GATAD2B: variants seen among roughly 807,000 people sequenced by gnomAD.
GATAD2B encodes the protein GATA zinc finger domain containing 2B.
Under a neutral mutation model 64.3 loss-of-function variants are expected in GATAD2B, and 8 were observed. That is an observed-to-expected ratio of 0.12 (90% CI 0.07 to 0.22). GATAD2B has a LOEUF of 0.22. GATAD2B is among the 10% of genes least tolerant of loss of function. The pLI is 1.00. For synonymous variants in GATAD2B, 281 were observed against 271.3 expected (o/e 1.04, Z -0.35); for missense variants, 453 against 752.0 (o/e 0.60, Z 4.65).
At chr1:153,914,662 A>G (rs1678210869) in intron 1 of GATAD2B, 1 of 152,244 alleles carries the variant, frequency 6.6e-6, no homozygotes, top group East Asian at 1.9e-4. Context: ...GGCTGGGTGT[A>G]GTGGTTCACA....
At chr1:153,912,396 G>GAATT (rs71697078) in intron 1 of GATAD2B, among the ~76,000 whole-genome samples, 40,907 of 151,952 alleles carry the variant, frequency 0.27, 6,025 homozygotes, top group Admixed American at 0.38. Context: ...GAGAAACTGA[G>GAATT]AATTACTATC....
intron 3 of GATAD2B, 82 bp from the exon 4 acceptor site, chr1:153,819,004 C>T (rs1674580992): frequency 7.2e-7 from 1 of 1,384,494 alleles, no homozygotes; most frequent in Non-Finnish European, 1.0e-6. Context: ...TACTTCTTAG[C>T]TCTGAAACCT....
At position 153,846,557 on chromosome 1, in the gene GATAD2B, C is replaced by CTTT. The variant is rs887230575; in HGVS notation, c.-1-18212_-1-18210dup. On this transcript the variant is annotated intron_variant, in intron 1 of 10. Transcript: ENST00000368655. ...CCAACCCCTTCTTGTTCTTTGCGTTCTTTTTTTTTTTTTTTTTTTTTTGAG... is the reference window on the plus strand; with the variant it reads ...CCAACCCCTTCTTGTTCTTTGCGTTCTTTTTTTTTTTTTTTTTTTTTTTTTGAG... Among the ~76,000 whole-genome samples the CTTT allele has an allele frequency of 2.9e-3, 332 of 113,828 alleles. 2 individuals carry two copies. Among genetic ancestry groups the CTTT allele is most frequent in the African/African-American group, 4.7e-3 (132 of 27,816 alleles). The allele number at this position is 113,828 out of a possible 152,430, so 74.7% of individuals were successfully genotyped here. A position where few individuals can be genotyped will look rare whatever the true frequency, so the allele number is the denominator to read the frequency against.
In GATAD2B at chr1:153,833,509, C is replaced by A. The variant is rs868001867; in HGVS notation, c.-1-5161G>T. On this transcript the variant is annotated intron_variant, in intron 1 of 10. Coordinates refer to ENST00000368655, the MANE Select transcript of GATAD2B (RefSeq NM_020699.4). ...TGAATCAAGGAGTAATTTTAACTTT[C>A]AAGTCTTACTATGTAAGAAATATTG... 5.3e-5 allele frequency among the ~76,000 whole-genome samples: 8 copies of A among 152,240 alleles called. No individual in the cohort carries two copies. In the Middle Eastern group the frequency reaches 0.01, roughly 194 times the overall value.
At chr1:153,881,924 C>T (rs1212508851) in intron 1 of GATAD2B, among the ~76,000 whole-genome samples, 1 of 151,982 alleles carries the variant, frequency 6.6e-6, no homozygotes, top group African/African-American at 2.4e-5. Context: ...CCCTTGAGAG[C>T]CCTGCACAAA....
At chr1:153,824,423 A>T (rs772721456) in intron 2 of GATAD2B, among the ~76,000 whole-genome samples, 1 of 152,192 alleles carries the variant, frequency 6.6e-6, no homozygotes, top group East Asian at 1.9e-4. Context: ...AGGTCAGCAG[A>T]TCGAGACCAT....
chr1:153,818,031 G>T lies in GATAD2B; in HGVS notation c.729+9C>A. On this transcript the variant is annotated intron_variant, in intron 5 of 10. Coordinates refer to ENST00000368655, the MANE Select transcript of GATAD2B (RefSeq NM_020699.4). ...CTCCAACACTAAGATCCCACTATGG[G>T]TCACATACCTGTAATGTTCTCAAAT... is the stretch of plus-strand genomic sequence containing the variant. 1 of 1,593,722 alleles carries T rather than the reference G, an allele frequency of 6.3e-7. No homozygotes were observed.
chr1:153,810,559 A>G (rs1378613157), intron 10 of GATAD2B, among the ~76,000 whole-genome samples: 1 of 151,818 alleles, frequency 6.6e-6, no homozygotes, highest in African/African-American at 2.4e-5. Flanking sequence ...GACTCAAGCA[A>G]TTCTCCTGCC....
intron 1 of GATAD2B, among the ~76,000 whole-genome samples, chr1:153,913,704 G>A (rs1466706067): frequency 6.6e-6 from 1 of 152,022 alleles, no homozygotes; most frequent in African/African-American, 2.4e-5. Flanking sequence ...AGATCACGAG[G>A]TCAGGAGATC....
At chr1:153,833,713 G>A (rs749272487) in intron 1 of GATAD2B, among the ~76,000 whole-genome samples, 4 of 149,244 alleles carry the variant, frequency 2.7e-5, no homozygotes, top group Non-Finnish European at 4.4e-5. Context: ...GGGAGGGTGA[G>A]GCAGGAGAAT....
intron 1 of GATAD2B, among the ~76,000 whole-genome samples, chr1:153,896,737 T>G (rs757798305): frequency 1.3e-5 from 2 of 151,534 alleles, no homozygotes; most frequent in African/African-American, 4.9e-5. Context: ...TGCCCAACCA[T>G]GAACAAGAAA....
At chr1:153,856,581 TAAAAC>T (rs1676088248) in intron 1 of GATAD2B, among the ~76,000 whole-genome samples, 1 of 152,044 alleles carries the variant, frequency 6.6e-6, no homozygotes, top group Admixed American at 6.6e-5. Context: ...TTAAAAAAAT[TAAAAC>T]AAATAAGCTG....
chr1:153,896,695 C>G (rs1486621869), intron 1 of GATAD2B, among the ~76,000 whole-genome samples: 2 of 152,064 alleles, frequency 1.3e-5, no homozygotes, highest in East Asian at 3.9e-4. Flanking sequence ...CTCGGCCTCC[C>G]AAAGTGCTGG....
intron 1 of GATAD2B, among the ~76,000 whole-genome samples, chr1:153,908,933 G>C (rs1571006732): frequency 6.6e-6 from 1 of 151,492 alleles, no homozygotes; most frequent in South Asian, 2.1e-4. Flanking sequence ...AAGTGCTCTG[G>C]AACACGGATT....
chr1:153,884,551 G>A (rs575556306), intron 1 of GATAD2B, among the ~76,000 whole-genome samples: 12 of 152,240 alleles, frequency 7.9e-5, no homozygotes, highest in African/African-American at 2.2e-4. Flanking sequence ...GCAGTGAGCC[G>A]AGATCGTGCC....
At chr1:153,846,508 G>T (rs912983085) in intron 1 of GATAD2B, among the ~76,000 whole-genome samples, 2 of 150,630 alleles carry the variant, frequency 1.3e-5, no homozygotes, top group African/African-American at 4.9e-5. Context: ...AAAGTGCTAG[G>T]ATTACAGGCA....
rs1282855304 is a variant in GATAD2B at position 153,849,798 on chromosome 1, T to A, written c.-1-21450A>T. Among the ~76,000 whole-genome samples, 5 of 151,872 alleles carry A rather than the reference T, an allele frequency of 3.3e-5. No individual in the cohort carries two copies. In the East Asian group the frequency reaches 7.7e-4, roughly 24 times the overall value. On this transcript the variant is annotated intron_variant, in intron 1 of 10. Transcript: ENST00000368655. ...GACATGTGCCACCTCACCCAGCTAA[T>A]GTTTTGTATTTTTAGCAGAGGTTAG...
intron 2 of GATAD2B, among the ~76,000 whole-genome samples, chr1:153,823,466 T>C (rs1336881101): frequency 3.9e-5 from 6 of 152,254 alleles, no homozygotes; most frequent in Admixed American, 1.3e-4. Flanking sequence ...TAGGCTATTA[T>C]GACATGGCTA....
Position 153,810,141 on chromosome 1 carries a change from G to T in GATAD2B, c.*36C>A. 1.3e-6 allele frequency: 2 copies of T among 1,585,750 alleles called. No individual in the cohort carries two copies. The highest frequency in any genetic ancestry group is 2.7e-5 in the African/African-American group (2 of 73,560). On this transcript the variant is annotated 3_prime_UTR_variant, in exon 11 of 11. Coordinates refer to ENST00000368655, the MANE Select transcript of GATAD2B (RefSeq NM_020699.4). ...GGGAATGAAAGAGGAAAGGGATAAA[G>T]GATTCAAGGATGGGGCAGTACAAGT...
Sources: allele counts gnomAD v4.1 joint callset (sites outside exome capture counted in the v4.1 genomes callset), GRCh38; gene constraint gnomAD v4.1.1; transcripts MANE v1.5; gene names NCBI Gene and HGNC (gene_info 2026-07-23, HGNC 2026-07-21).